Variants in SLC35D2 observed in about 807,000 individuals in gnomAD.
SLC35D2 encodes nucleotide sugar transporter SLC35D2.
In SLC35D2, 43 loss-of-function variants were observed where a neutral mutation model predicts 41.8. The observed-to-expected ratio is 1.03, with a 90% confidence interval of 0.81 to 1.33. The LOEUF is 1.33. Ranked by LOEUF, SLC35D2 falls within the 40% of genes most tolerant of loss-of-function variation. SLC35D2 has a pLI of 0.00. For missense variants in SLC35D2, 380 were observed against 408.4 expected (o/e 0.93, Z 0.60); for synonymous variants, 150 against 163.9 (o/e 0.92, Z 0.65).
chr9:96,360,334 TA>T (rs2130972020), intron 3 of SLC35D2, 113 bp from the exon 4 acceptor site: 1 of 870,250 alleles, frequency 1.1e-6, no homozygotes, highest in East Asian at 2.7e-5. Context: ...AAACAGGCAT[TA>T]AAAAAATGAT....
At chr9:96,341,591 G>A (rs1025487443) in intron 8 of SLC35D2, among the ~76,000 whole-genome samples, 6 of 152,172 alleles carry the variant, frequency 3.9e-5, no homozygotes, top group African/African-American at 1.4e-4. Context: ...ACAATGCTTT[G>A]AAAAATGTCT....
At chr9:96,373,619 G>A (rs886266636) in intron 1 of SLC35D2, among the ~76,000 whole-genome samples, 1 of 151,522 alleles carries the variant, frequency 6.6e-6, no homozygotes, top group African/African-American at 2.4e-5. Flanking sequence ...CCTGGTAAGC[G>A]GAGGTTGCAG....
At chr9:96,348,776 C>T (rs779844240) in intron 6 of SLC35D2, among the ~76,000 whole-genome samples, 7 of 152,218 alleles carry the variant, frequency 4.6e-5, no homozygotes, top group South Asian at 4.1e-4. Context: ...TTAGGAACCC[C>T]GATTTACCCT....
Position 96,324,159 on chromosome 9 carries a change from T to C in SLC35D2, c.763A>G (p.Met255Val). 2 of 1,613,778 alleles carry C rather than the reference T, an allele frequency of 1.2e-6. No individual in the cohort carries two copies. Among genetic ancestry groups the C allele is most frequent in the Non-Finnish European group, 1.7e-6 (2 of 1,179,778 alleles). ...TAGCTGCACAGAACCGTGGAGTACA[T>C]CAGCAGAAACCTGTGACAAGGAAGC... is the stretch of plus-strand genomic sequence containing the variant. ...LLSCFLGFLL[M>V]YSTVLCSYYN... is the part of the protein sequence containing the mutation. The change falls in exon 10 of 12, where the codon ATG (methionine) becomes GTG (valine). Residue 255 changes from methionine to valine, a missense_variant. By Grantham distance (21) the Met-to-Val change is conservative. Transcript: ENST00000253270.
At chr9:96,318,319 G>A (rs1828107257), downstream of SLC35D2, among the ~76,000 whole-genome samples, 1 of 151,896 alleles carries the variant, frequency 6.6e-6, no homozygotes, top group Admixed American at 6.6e-5. Context: ...AAATTAGGCA[G>A]GCTAATTTTT....
chr9:96,341,326 T>C (rs913966790), intron 8 of SLC35D2, among the ~76,000 whole-genome samples: 20 of 152,148 alleles, frequency 1.3e-4, no homozygotes, highest in South Asian at 4.1e-4. Context: ...AAGTATATGT[T>C]AGGTCTCTTG....
chr9:96,363,165 C>CTTA (rs1225416641), intron 3 of SLC35D2, among the ~76,000 whole-genome samples: 5 of 147,552 alleles, frequency 3.4e-5, no homozygotes, highest in South Asian at 2.1e-4. Context: ...CCCCACCTGG[C>CTTA]TTATTTTTTT....
In SLC35D2 at chr9:96,358,080, TTATATATA is replaced by T. The variant is rs34633441; in HGVS notation, c.347+2066_347+2073del. On this transcript the variant is annotated intron_variant, in intron 4 of 11. Transcript: ENST00000253270. ...ATGGATAAACAAAATATTATATATTTTATATATATATATATATATATATATATACCTGC... is the reference window on the plus strand; with the variant it reads ...ATGGATAAACAAAATATTATATATTTTATATATATATATATATATACCTGC... Among the ~76,000 whole-genome samples the T allele has an allele frequency of 5.7e-5, 7 of 122,712 alleles. 1 individual carries two copies. Among genetic ancestry groups the T allele is most frequent in the African/African-American group, 1.6e-4 (4 of 25,584 alleles). 80.5% of individuals were successfully genotyped at this position (122,712 alleles called of 152,430 possible). A position where few individuals can be genotyped will look rare whatever the true frequency, so the allele number is the denominator to read the frequency against.
rs138619398 is a variant in SLC35D2 at position 96,340,945 on chromosome 9, C to T, written c.684+2959G>A. 3.9e-3 allele frequency among the ~76,000 whole-genome samples: 601 copies of T among 152,218 alleles called. 1 individual carries two copies. The highest frequency in any genetic ancestry group is 6.8e-3 in the Middle Eastern group (2 of 292). ...TAAATATTCGGATATTCCAGTACCA[C>T]AAGCCAGAATAGGAGGAGGATATTC... On this transcript the variant is annotated intron_variant, in intron 8 of 11. Transcript: ENST00000253270.
chr9:96,332,917 T>G (rs1020708484), intron 9 of SLC35D2, among the ~76,000 whole-genome samples: 1 of 151,388 alleles, frequency 6.6e-6, no homozygotes, highest in Admixed American at 6.6e-5. Flanking sequence ...TTTTTTTTTT[T>G]GAGACAGAGT....
chr9:96,341,736 T>C (rs565901998), intron 8 of SLC35D2, among the ~76,000 whole-genome samples: 4 of 152,320 alleles, frequency 2.6e-5, no homozygotes, highest in African/African-American at 7.2e-5. Flanking sequence ...GTCAATGACG[T>C]TGATGTAAGA....
Position 96,343,929 on chromosome 9 carries a change from C to T in SLC35D2, c.659G>A (p.Ser220Asn). 1 of 1,590,002 alleles carries T rather than the reference C, an allele frequency of 6.3e-7. No individual in the cohort carries two copies. Among genetic ancestry groups the T allele is most frequent in the Non-Finnish European group, 8.5e-7 (1 of 1,170,392 alleles). The change falls in exon 8 of 12, where the codon AGT becomes AAT. Residue 220 changes from serine (S) to asparagine (N), a missense_variant. Ser to Asn is a conservative substitution (Grantham distance 46, BLOSUM62 1). Transcript: ENST00000253270. ...CTGTTGCAGGTCTCCAGTGGAGACA[C>T]TAATAATAAGAGTTGGGATAATCAT... is the stretch of plus-strand genomic sequence containing the variant. ...CFMIIPTLIISVSTGDLQQAT... is the reference protein window; with the variant it reads ...CFMIIPTLIINVSTGDLQQAT...
intron 4 of SLC35D2, among the ~76,000 whole-genome samples, chr9:96,357,966 C>G (rs535287397): frequency 1.3e-5 from 2 of 151,598 alleles, no homozygotes; most frequent in Non-Finnish European, 2.9e-5. Context: ...TTGAGCCCAG[C>G]AGGGTGAGGC....
intron 1 of SLC35D2, among the ~76,000 whole-genome samples, chr9:96,375,261 A>G (rs914328366): frequency 6.6e-6 from 1 of 151,822 alleles, no homozygotes; most frequent in South Asian, 2.1e-4. Context: ...TATAATAATC[A>G]CAACAGAATA....
chr9:96,372,690 TTCTCCTG>T (rs996145877), intron 1 of SLC35D2, among the ~76,000 whole-genome samples: 1 of 147,606 alleles, frequency 6.8e-6, no homozygotes, highest in African/African-American at 2.5e-5. Flanking sequence ...GGTCAAGCGA[TTCTCCTG>T]CTTCAGCCTC....
intron 6 of SLC35D2, among the ~76,000 whole-genome samples, chr9:96,348,398 T>C (rs1281230555): frequency 6.6e-6 from 1 of 152,128 alleles, no homozygotes; most frequent in East Asian, 1.9e-4. Context: ...GATCCCTGAG[T>C]GAACACATGG....
At chr9:96,350,299 T>TA (rs970766152) in intron 6 of SLC35D2, among the ~76,000 whole-genome samples, 3 of 150,470 alleles carry the variant, frequency 2.0e-5, no homozygotes, top group African/African-American at 7.4e-5. Flanking sequence ...GCCTCCTGAG[T>TA]AGCTGAGACT....
At chr9:96,356,382 C>CTTTT (rs199569097) in intron 4 of SLC35D2, among the ~76,000 whole-genome samples, 17 of 101,416 alleles carry the variant, frequency 1.7e-4, no homozygotes, top group East Asian at 3.0e-4. Flanking sequence ...TTTATTTATT[C>CTTTT]TTTTTTTTTT....
chr9:96,379,915 T>TTTG (rs1831120070), intron 1 of SLC35D2, among the ~76,000 whole-genome samples: 1 of 150,956 alleles, frequency 6.6e-6, no homozygotes, highest in Admixed American at 6.6e-5. Context: ...TTTTTTTTTT[T>TTTG]GAGACAGAGT....
Sources: gnomAD v4.1 joint callset for allele counts (sites outside exome capture counted in the v4.1 genomes callset) on GRCh38, gnomAD v4.1.1 for gene constraint, MANE v1.5 for transcripts, NCBI Gene and HGNC (gene_info 2026-07-23, HGNC 2026-07-21) for gene names.